Variants in PLEK observed in about 807,000 individuals in gnomAD.
PLEK encodes the protein pleckstrin, also known as platelet 47 kDa protein.
A neutral mutation model predicts 43.9 loss-of-function variants in PLEK; 25 were observed. That is an observed-to-expected ratio of 0.57 (90% CI 0.41 to 0.79). The LOEUF (loss-of-function observed/expected upper bound fraction) is 0.79. Among genes scored for constraint, PLEK ranks in the 30% least tolerant of loss-of-function variants. The probability of loss-of-function intolerance (pLI) is 0.00; values close to 1 mark genes in which losing one functional copy is unlikely to be tolerated. For missense variants in PLEK, 396 were observed against 413.3 expected (o/e 0.96, Z 0.36); for synonymous variants, 152 against 144.4 (o/e 1.05, Z -0.38).
At chr2:68,375,134 G>T (rs1253747853) in intron 1 of PLEK, among the ~76,000 whole-genome samples, 1 of 152,124 alleles carries the variant, frequency 6.6e-6, no homozygotes, top group Admixed American at 6.6e-5. Context: ...CACTGGATGT[G>T]ATATTCTGCA....
intron 1 of PLEK, among the ~76,000 whole-genome samples, chr2:68,365,773 C>T (rs1673257596): frequency 6.6e-6 from 1 of 152,086 alleles, no homozygotes; most frequent in African/African-American, 2.4e-5. Flanking sequence ...ATTTAAATTC[C>T]ACTTCCCCTC....
intron 3 of PLEK, among the ~76,000 whole-genome samples, chr2:68,381,157 GAA>G (rs1350590458): frequency 1.4e-5 from 2 of 141,420 alleles, no homozygotes; most frequent in African/African-American, 2.6e-5. Flanking sequence ...GAGAGAGAGA[GAA>G]AGAAACATCA....
Position 68,394,175 on chromosome 2 carries a change from T to C in PLEK, c.915T>C (p.Asn305=), listed in dbSNP as rs1348834986. ...TGACTTCAGTGGAGAGCAACTCAAATGGTAAGATGAATTTCTGTGTGAGAG... is the reference window on the plus strand; with the variant it reads ...TGACTTCAGTGGAGAGCAACTCAAACGGTAAGATGAATTTCTGTGTGAGAG... The part of the protein sequence containing the change: ...CVVTSVESNS[N]GRKSEEENLF... Residue 305 remains asparagine (N), a splice_region_variant and synonymous_variant, in exon 8 of 9, where the codon AAT becomes AAC. Transcript: ENST00000234313. 3.1e-6 allele frequency: 5 copies of C among 1,589,180 alleles called. No homozygotes were observed. Among genetic ancestry groups the C allele is most frequent in the East Asian group, 2.2e-5 (1 of 44,774 alleles).
intron 1 of PLEK, among the ~76,000 whole-genome samples, chr2:68,370,599 C>T (rs772401173): frequency 2.0e-5 from 3 of 152,194 alleles, no homozygotes; most frequent in Non-Finnish European, 4.4e-5. Flanking sequence ...GATTCTCTTA[C>T]ATCAGCCTCC....
At chr2:68,367,368 C>G (rs1240356019) in intron 1 of PLEK, among the ~76,000 whole-genome samples, 1 of 151,762 alleles carries the variant, frequency 6.6e-6, no homozygotes, top group African/African-American at 2.4e-5. Context: ...ATTTTGTTAC[C>G]TAAGTACTAT....
At chr2:68,387,146 C>T (rs1305072689) in intron 5 of PLEK, among the ~76,000 whole-genome samples, 2 of 152,166 alleles carry the variant, frequency 1.3e-5, no homozygotes, top group Non-Finnish European at 2.9e-5. Flanking sequence ...GCTAGGATTA[C>T]AGGCATGCGC....
intron 5 of PLEK, among the ~76,000 whole-genome samples, chr2:68,387,490 G>C (rs142415278): frequency 1.6e-4 from 25 of 152,276 alleles, no homozygotes; most frequent in African/African-American, 5.5e-4. Context: ...TAAAACACAT[G>C]ACTCTTAATA....
At chr2:68,389,706 G>T (rs557827790) in intron 6 of PLEK, among the ~76,000 whole-genome samples, 2 of 152,294 alleles carry the variant, frequency 1.3e-5, no homozygotes, top group South Asian at 4.1e-4. Flanking sequence ...GACTATTATA[G>T]TATTTTTTTA....
intron 1 of PLEK, among the ~76,000 whole-genome samples, chr2:68,373,359 C>G (rs1673445178): frequency 6.6e-6 from 1 of 152,056 alleles, no homozygotes; most frequent in Admixed American, 6.5e-5. Context: ...AATGACACAT[C>G]CTCCTCAGAG....
At chr2:68,384,539 CT>C (rs1673698492) in intron 4 of PLEK, among the ~76,000 whole-genome samples, 3 of 152,080 alleles carry the variant, frequency 2.0e-5, no homozygotes, top group Admixed American at 2.0e-4. Flanking sequence ...TTAAATCCTT[CT>C]TGTTGAAGGC....
In PLEK at chr2:68,396,181, A is replaced by C; in HGVS notation, c.*365A>C. On this transcript the variant is annotated 3_prime_UTR_variant, in exon 9 of 9. Coordinates refer to ENST00000234313, the MANE Select transcript of PLEK (RefSeq NM_002664.3). ...AAAAAATCTGCCCCATGATTCTAAC[A>C]CTCGCAGTAGTGATAGTGTATCTAG... 1 of 194,466 alleles carries C rather than the reference A, an allele frequency of 5.1e-6. No homozygotes were observed. The highest frequency in any genetic ancestry group is 1.1e-5 in the Non-Finnish European group (1 of 92,638). 12.0% of individuals were successfully genotyped at this position (194,466 alleles called of 1,614,324 possible).
intron 1 of PLEK, among the ~76,000 whole-genome samples, chr2:68,377,311 G>A (rs1299261083): frequency 6.6e-6 from 1 of 152,116 alleles, no homozygotes; most frequent in African/African-American, 2.4e-5. Context: ...GGGTCAAATC[G>A]TAGTTCTGTT....
intron 6 of PLEK, among the ~76,000 whole-genome samples, chr2:68,390,797 C>A (rs1673843513): frequency 6.6e-6 from 1 of 152,210 alleles, no homozygotes; most frequent in South Asian, 2.1e-4. Flanking sequence ...AGGCCATTAT[C>A]CCTGCCCCAT....
rs1457347432 is a variant in PLEK at position 68,396,236 on chromosome 2, G to C, written c.*420G>C. The C allele has an allele frequency of 6.0e-6, 1 of 166,954 alleles. No homozygotes were observed. Among genetic ancestry groups the C allele is most frequent in the Non-Finnish European group, 1.3e-5 (1 of 75,786 alleles). The allele number at this position is 166,954 out of a possible 1,614,324, so 10.3% of individuals were successfully genotyped here. On this transcript the variant is annotated 3_prime_UTR_variant, in exon 9 of 9. Coordinates refer to ENST00000234313, the MANE Select transcript of PLEK (RefSeq NM_002664.3). ...TCTGCTGGTGTCCTTCCTTGGCTAAGTCTTGGCCTTCAGTTATCTTCAAAT... is the reference window on the plus strand; with the variant it reads ...TCTGCTGGTGTCCTTCCTTGGCTAACTCTTGGCCTTCAGTTATCTTCAAAT...
chr2:68,368,999 G>A (rs1345641754), intron 1 of PLEK, among the ~76,000 whole-genome samples: 5 of 152,214 alleles, frequency 3.3e-5, no homozygotes, highest in East Asian at 1.9e-4. Context: ...AAGAGAGCCC[G>A]AGAGTCAGGG....
At chr2:68,370,279 G>A (rs577298523) in intron 1 of PLEK, among the ~76,000 whole-genome samples, 63 of 152,278 alleles carry the variant, frequency 4.1e-4, no homozygotes, top group African/African-American at 1.3e-3. Context: ...GAGTGTCTGA[G>A]AGGGGTTCTA....
chr2:68,380,638 G>A (rs1337576743), intron 2 of PLEK, 85 bp from the exon 3 acceptor site: 1 of 1,474,330 alleles, frequency 6.8e-7, no homozygotes, highest in Non-Finnish European at 9.3e-7. Context: ...GGCTAGAAGA[G>A]GTTTAGGCCA....
At chr2:68,394,903 G>A (rs1309875600) in intron 8 of PLEK, among the ~76,000 whole-genome samples, 1 of 152,130 alleles carries the variant, frequency 6.6e-6, no homozygotes, top group Non-Finnish European at 1.5e-5. Flanking sequence ...TATGATAAAG[G>A]CTGACAGGAA....
At chr2:68,368,029 A>G (rs1673317012) in intron 1 of PLEK, among the ~76,000 whole-genome samples, 1 of 152,244 alleles carries the variant, frequency 6.6e-6, no homozygotes, top group Non-Finnish European at 1.5e-5. Flanking sequence ...TTGTCAGGTC[A>G]GAAATCTTGG....
Sources: gnomAD v4.1 joint callset for allele counts (sites outside exome capture counted in the v4.1 genomes callset) on GRCh38, gnomAD v4.1.1 for gene constraint, MANE v1.5 for transcripts, NCBI Gene and HGNC (gene_info 2026-07-23, HGNC 2026-07-21) for gene names.